Variants in FHIT observed in about 807,000 individuals in gnomAD.
FHIT encodes bis(5'-adenosyl)-triphosphatase.
In FHIT, 19 loss-of-function variants were observed where a neutral mutation model predicts 17.9. The ratio of observed to expected loss-of-function variants is 1.06; its 90% CI spans 0.74 to 1.56. The LOEUF is 1.56. FHIT is among the 40% of genes most tolerant of loss of function. FHIT has a pLI of 0.00. For missense variants in FHIT, 248 were observed against 189.2 expected, an observed-to-expected ratio of 1.31 and a Z score of -1.82; for synonymous variants, 81 against 69.7, an observed-to-expected ratio of 1.16 and a Z score of -0.81.
chr3:61,003,479 CTGA>C (rs1315871739), intron 3 of FHIT, among the ~76,000 whole-genome samples: 1 of 152,170 alleles, frequency 6.6e-6, no homozygotes, highest in East Asian at 1.9e-4. Flanking sequence ...TTAAAGAATT[CTGA>C]TGATTCTAAT....
chr3:60,841,636 G>C (rs1702727016), intron 3 of FHIT, among the ~76,000 whole-genome samples: 1 of 152,170 alleles, frequency 6.6e-6, no homozygotes, highest in South Asian at 2.1e-4. Context: ...CTGGCCTCTA[G>C]TGGCTCAGAC....
chr3:60,892,445 A>G (rs374381585), intron 3 of FHIT, among the ~76,000 whole-genome samples: 1 of 152,088 alleles, frequency 6.6e-6, no homozygotes, highest in East Asian at 1.9e-4. Flanking sequence ...CCACCCTTGG[A>G]GCTTTACCTC....
chr3:60,369,953 A>C (rs1205907949), intron 5 of FHIT, among the ~76,000 whole-genome samples: 3 of 152,240 alleles, frequency 2.0e-5, no homozygotes, highest in African/African-American at 7.2e-5. Context: ...AAAAACAGTC[A>C]TGATTAACTA....
intron 5 of FHIT, among the ~76,000 whole-genome samples, chr3:60,427,840 T>A (rs1280206280): frequency 2.0e-5 from 3 of 152,108 alleles, no homozygotes; most frequent in Admixed American, 2.0e-4. Flanking sequence ...TACCTTATTA[T>A]TGCCCCATCT....
intron 5 of FHIT, among the ~76,000 whole-genome samples, chr3:60,503,603 A>G: frequency 6.6e-6 from 1 of 152,318 alleles, no homozygotes; most frequent in Admixed American, 6.5e-5. Context: ...CAAACTAAAT[A>G]TTCAAAACCA....
chr3:60,090,349 T>C (rs528803941), intron 5 of FHIT, among the ~76,000 whole-genome samples: 35 of 152,294 alleles, frequency 2.3e-4, no homozygotes, highest in African/African-American at 8.4e-4. Context: ...ATTCTACAGC[T>C]TGGGAATACT....
intron 4 of FHIT, among the ~76,000 whole-genome samples, chr3:60,784,828 C>CTAT (rs1328902170): frequency 6.6e-6 from 1 of 152,128 alleles, no homozygotes; most frequent in Non-Finnish European, 1.5e-5. Context: ...GATTAGTGCC[C>CTAT]TTATAAGGGG....
intron 2 of FHIT, among the ~76,000 whole-genome samples, chr3:61,087,962 A>G (rs1262025295): frequency 6.6e-6 from 1 of 152,058 alleles, no homozygotes; most frequent in Non-Finnish European, 1.5e-5. Flanking sequence ...GTAGCTTCAG[A>G]GAACTGAGAG....
chr3:60,330,797 A>T (rs1056247526), intron 5 of FHIT, among the ~76,000 whole-genome samples: 3 of 152,196 alleles, frequency 2.0e-5, no homozygotes, highest in Admixed American at 6.5e-5. Context: ...TTACAATTAC[A>T]TCTTGTCACC....
intron 5 of FHIT, among the ~76,000 whole-genome samples, chr3:60,409,442 T>C (rs1382451041): frequency 6.6e-6 from 1 of 152,236 alleles, no homozygotes; most frequent in Non-Finnish European, 1.5e-5. Context: ...CTGGCAATGA[T>C]CTATCGCACA....
chr3:60,214,973 A>G (rs961206226), intron 5 of FHIT, among the ~76,000 whole-genome samples: 1 of 152,074 alleles, frequency 6.6e-6, no homozygotes, highest in Non-Finnish European at 1.5e-5. Context: ...CATTGAATAC[A>G]TATAGACACA....
intron 4 of FHIT, among the ~76,000 whole-genome samples, chr3:60,580,023 G>T (rs1369278411): frequency 6.6e-6 from 1 of 152,134 alleles, no homozygotes; most frequent in African/African-American, 2.4e-5. Flanking sequence ...AAATTTCAGA[G>T]ATACTAGGAT....
intron 5 of FHIT, among the ~76,000 whole-genome samples, chr3:60,468,556 CAATT>C (rs965444391): frequency 1.2e-4 from 19 of 152,090 alleles, no homozygotes; most frequent in Non-Finnish European, 2.1e-4. Flanking sequence ...ATTGCATAAA[CAATT>C]AAACTAATAA....
chr3:60,177,058 G>C (rs187184199), intron 5 of FHIT, among the ~76,000 whole-genome samples: 8 of 152,220 alleles, frequency 5.3e-5, no homozygotes, highest in Non-Finnish European at 8.8e-5. Flanking sequence ...GATGCTCCCA[G>C]GGTGAAAATG....
intron 4 of FHIT, among the ~76,000 whole-genome samples, chr3:60,594,305 A>C (rs2107701503): frequency 6.6e-6 from 1 of 152,240 alleles, no homozygotes; most frequent in African/African-American, 2.4e-5. Flanking sequence ...CAACCATTGT[A>C]ACTCTAGCCC....
In FHIT at chr3:60,802,031, C is replaced by G. The variant is rs41505547; in HGVS notation, c.-18+19888G>C. On this transcript the variant is annotated intron_variant, in intron 4 of 9. Transcript: ENST00000492590. ...TTAGAAACATATAATATCCAACCTT[C>G]CTGTTTAACAGAGCCCAGCAAGGAC... Among the ~76,000 whole-genome samples, 238 of 152,294 alleles carry G rather than the reference C, an allele frequency of 1.6e-3. 2 individuals are homozygous for G. Among genetic ancestry groups the G allele is most frequent in the African/African-American group, 5.6e-3 (231 of 41,568 alleles).
chr3:60,279,558 G>A (rs1707329625), intron 5 of FHIT, among the ~76,000 whole-genome samples: 1 of 152,058 alleles, frequency 6.6e-6, no homozygotes. Context: ...AAGTCATTAT[G>A]TTATACCAGC....
At chr3:60,249,971 T>C (rs776060039) in intron 5 of FHIT, among the ~76,000 whole-genome samples, 14 of 152,114 alleles carry the variant, frequency 9.2e-5, no homozygotes, top group Non-Finnish European at 1.9e-4. Context: ...GTGAGACTTA[T>C]TCACTACCAC....
chr3:60,823,111 C>T (rs1359089601), intron 3 of FHIT, among the ~76,000 whole-genome samples: 1 of 152,178 alleles, frequency 6.6e-6, no homozygotes, highest in East Asian at 1.9e-4. Context: ...AGGTGTCAGG[C>T]ACTATTCTCT....
Sources: allele counts gnomAD v4.1 joint callset (sites outside exome capture counted in the v4.1 genomes callset), GRCh38; gene constraint gnomAD v4.1.1; transcripts MANE v1.5; gene names NCBI Gene and HGNC (gene_info 2026-07-23, HGNC 2026-07-21).